Variants in NCMAP observed in about 807,000 individuals in gnomAD.
NCMAP encodes non-compact myelin associated protein.
A neutral mutation model predicts 7.8 loss-of-function variants in NCMAP; 8 were observed. The observed-to-expected ratio is 1.02, with a 90% CI of 0.60 to 1.84. The LOEUF is 1.84. NCMAP is among the 40% of genes most tolerant of loss of function. The probability of loss-of-function intolerance (pLI) is 0.00; values close to 1 mark genes in which losing one functional copy is unlikely to be tolerated. For synonymous variants in NCMAP, 41 were observed against 52.9 expected (o/e 0.78, Z 0.98); for missense variants, 112 against 131.4 (o/e 0.85, Z 0.72).
At chr1:24,568,311 C>A (rs1255882850) in intron 1 of NCMAP, among the ~76,000 whole-genome samples, 1 of 152,208 alleles carries the variant, frequency 6.6e-6, no homozygotes, top group Non-Finnish European at 1.5e-5. Context: ...GAGAGGGAAA[C>A]AAGTTCTAGT....
chr1:24,604,606 AT>A (rs1449987859), intron 3 of NCMAP, among the ~76,000 whole-genome samples: 90 of 6,776 alleles, frequency 0.013, 8 homozygotes, highest in East Asian at 0.034. Flanking sequence ...AAAAAAAAAA[AT>A]ATATATATAT....
intron 2 of NCMAP, 26 bp from the exon 3 acceptor site, chr1:24,600,914 G>A (rs752164623): frequency 2.5e-5 from 41 of 1,609,524 alleles, no homozygotes; most frequent in Admixed American, 1.8e-4. Context: ...GCACATTCAC[G>A]GTCTCTGCTT....
chr1:24,579,720 C>A (rs995608737), intron 1 of NCMAP, among the ~76,000 whole-genome samples: 4 of 152,178 alleles, frequency 2.6e-5, no homozygotes, highest in Non-Finnish European at 5.9e-5. Context: ...CAGGGTGAGA[C>A]CTTGTTTCAA....
chr1:24,557,386 TATGTGTGC>T (rs1557590041), intron 1 of NCMAP, among the ~76,000 whole-genome samples: 1 of 151,514 alleles, frequency 6.6e-6, no homozygotes, highest in Non-Finnish European at 1.5e-5. Flanking sequence ...TGCATGTGTG[TATGTGTGC>T]ATGTGTGTGT....
intron 1 of NCMAP, among the ~76,000 whole-genome samples, chr1:24,568,737 C>T (rs563975005): frequency 2.0e-5 from 3 of 152,280 alleles, no homozygotes; most frequent in African/African-American, 7.2e-5. Flanking sequence ...GGTTCATTTT[C>T]AAGCATCTCA....
At position 24,595,267 on chromosome 1, in the gene NCMAP, C is replaced by A. The variant is rs12354378; in HGVS notation, c.-7-157C>A. Among the ~76,000 whole-genome samples the A allele has an allele frequency of 4.6e-5, 7 of 152,024 alleles. No individual in the cohort carries two copies. In the East Asian group the frequency reaches 1.4e-3, roughly 29 times the overall value. ...GGTATTAGTATTAAATCCCCACCCA[C>A]GGTATCTAATAATGGGTTTTGCATT... On this transcript the variant is annotated intron_variant, in intron 1 of 3. Transcript: ENST00000374392.
chr1:24,580,493 C>CT (rs1651712991), intron 1 of NCMAP, among the ~76,000 whole-genome samples: 1 of 152,162 alleles, frequency 6.6e-6, no homozygotes, highest in African/African-American at 2.4e-5. Flanking sequence ...GCTCTGTCAC[C>CT]AAGCTGGAGT....
At position 24,605,610 on chromosome 1, in the gene NCMAP, A is replaced by G; in HGVS notation, c.172A>G (p.Met58Val). Residue 58 changes from methionine (M) to valine (V), a missense_variant, in exon 4 of 4, where the codon ATG becomes GTG. Met to Val is a conservative substitution (Grantham distance 21). Coordinates refer to ENST00000374392, the MANE Select transcript of NCMAP (RefSeq NM_001010980.5). The stretch of plus-strand genomic sequence containing the variant: ...GTGCACATTATCTCCCTACAGGAAA[A>G]TGAGGACGAGGCGGGAACTAGAGCC... Reference protein sequence around the residue: ...LILLKMYNRKMRTRRELEPKG... With the variant: ...LILLKMYNRKVRTRRELEPKG... 6.2e-7 allele frequency: 1 copy of G among 1,614,212 alleles called. No individual in the cohort carries two copies. The highest frequency in any genetic ancestry group is 8.5e-7 in the Non-Finnish European group (1 of 1,180,026).
intron 1 of NCMAP, among the ~76,000 whole-genome samples, chr1:24,587,496 G>A (rs527702981): frequency 1.3e-5 from 2 of 152,174 alleles, no homozygotes; most frequent in African/African-American, 4.8e-5. Flanking sequence ...CATGCACAAA[G>A]GTCAAAGGTG....
intron 1 of NCMAP, among the ~76,000 whole-genome samples, chr1:24,592,184 G>A (rs867608378): frequency 3.3e-5 from 5 of 152,186 alleles, no homozygotes; most frequent in East Asian, 1.9e-4. Flanking sequence ...TAGCTGAGAC[G>A]CTGGAAACAG....
intron 1 of NCMAP, among the ~76,000 whole-genome samples, chr1:24,568,524 T>A (rs1392914014): frequency 6.6e-6 from 1 of 152,150 alleles, no homozygotes; most frequent in Non-Finnish European, 1.5e-5. Context: ...AGAAAGGAAA[T>A]ATATTAAAGG....
intron 1 of NCMAP, among the ~76,000 whole-genome samples, chr1:24,584,437 G>A (rs146510503): frequency 6.6e-6 from 1 of 152,290 alleles, no homozygotes; most frequent in East Asian, 1.9e-4. Context: ...ATATCTGCAG[G>A]TCTTGGGTTA....
chr1:24,592,724 T>C (rs1334606565), intron 1 of NCMAP, among the ~76,000 whole-genome samples: 1 of 151,972 alleles, frequency 6.6e-6, no homozygotes, highest in Non-Finnish European at 1.5e-5. Flanking sequence ...CGAGACCATC[T>C]TGGCTAACAC....
intron 2 of NCMAP, among the ~76,000 whole-genome samples, chr1:24,599,280 CAAA>C (rs34709750): frequency 9.8e-6 from 1 of 101,632 alleles, no homozygotes; most frequent in Non-Finnish European, 2.0e-5. Context: ...AACTCCCTCT[CAAA>C]AAAAAAAAAA....
intron 2 of NCMAP, among the ~76,000 whole-genome samples, chr1:24,597,617 G>GAGAGAGAGAA (rs1553157423): frequency 1.1e-5 from 1 of 87,484 alleles, no homozygotes; most frequent in East Asian, 3.5e-4. Flanking sequence ...AAGAAAGAAA[G>GAGAGAGAGAA]AGAAAGAAAG....
intron 1 of NCMAP, among the ~76,000 whole-genome samples, chr1:24,567,889 G>C (rs1022720779): frequency 5.0e-4 from 76 of 152,092 alleles, no homozygotes; most frequent in Admixed American, 5.9e-4. Context: ...GAGAGGTGGC[G>C]GGGGCTGAAG....
At chr1:24,577,385 A>G in intron 1 of NCMAP, among the ~76,000 whole-genome samples, 1 of 140,378 alleles carries the variant, frequency 7.1e-6, no homozygotes, top group Non-Finnish European at 1.5e-5. Context: ...GGAGTTTCTA[A>G]GAAGGCACTG....
rs187966590 is a variant in NCMAP at position 24,561,637 on chromosome 1, G to A, written c.-8+5468G>A. Reference sequence around the variant, plus strand: ...GAAAGAAGGAAGGGAGGGGCCGGGCGCGGTGGCTCATGCCTGTAATCCCAG... The same window carrying A: ...GAAAGAAGGAAGGGAGGGGCCGGGCACGGTGGCTCATGCCTGTAATCCCAG... On this transcript the variant is annotated intron_variant, in intron 1 of 3. Transcript: ENST00000374392. 1.7e-3 allele frequency among the ~76,000 whole-genome samples: 260 copies of A among 152,206 alleles called. 1 individual carries two copies. Among genetic ancestry groups the A allele is most frequent in the African/African-American group, 5.5e-3 (228 of 41,530 alleles).
chr1:24,597,676 G>T (rs935271276), intron 2 of NCMAP, among the ~76,000 whole-genome samples: 27 of 108,904 alleles, frequency 2.5e-4, no homozygotes, highest in Non-Finnish European at 1.0e-4. Flanking sequence ...AGAAAGAAAA[G>T]AAAAAGAAAG....
Sources: allele counts gnomAD v4.1 joint callset (sites outside exome capture counted in the v4.1 genomes callset), GRCh38; gene constraint gnomAD v4.1.1; transcripts MANE v1.5; gene names NCBI Gene and HGNC (gene_info 2026-07-23, HGNC 2026-07-21).